The following FHIP1A variants were observed in gnomAD, a reference collection of about 807,000 sequenced individuals.
FHIP1A encodes FHF complex subunit HOOK-interacting protein 1A.
In FHIP1A, 61 loss-of-function variants were observed where a neutral mutation model predicts 88.6. The observed-to-expected ratio is 0.69, with a 90% CI of 0.56 to 0.85. The LOEUF (loss-of-function observed/expected upper bound fraction) is 0.85, where lower values mean the gene tolerates loss of function less well. FHIP1A is among the 40% of genes least tolerant of loss of function. The pLI is 0.00. For missense variants in FHIP1A, 1,154 were observed against 1,273.5 expected (o/e 0.91, Z 1.43); for synonymous variants, 478 against 496.0 (o/e 0.96, Z 0.48).
intron 3 of FHIP1A, among the ~76,000 whole-genome samples, chr4:151,498,875 C>T (rs1168303061): frequency 6.6e-6 from 1 of 152,194 alleles, no homozygotes; most frequent in African/African-American, 2.4e-5. Context: ...ATTTCATCAT[C>T]AACCTCCCTT....
At position 151,657,064 on chromosome 4, in the gene FHIP1A, C is replaced by T. The variant is rs60323168; in HGVS notation, c.2869+166C>T. Among the ~76,000 whole-genome samples, 1,179 of 152,262 alleles carry T rather than the reference C, an allele frequency of 7.7e-3. 16 individuals are homozygous for T. Among genetic ancestry groups the T allele is most frequent in the African/African-American group, 0.025 (1,029 of 41,540 alleles). ...GGAACCACCTCTTAGCATTCTTAAACCTAAAGAAAGGTCTGCCTTGCTCAC... is the reference window on the plus strand; with the variant it reads ...GGAACCACCTCTTAGCATTCTTAAATCTAAAGAAAGGTCTGCCTTGCTCAC... On this transcript the variant is annotated intron_variant, in intron 13 of 13. Coordinates refer to ENST00000435205, the MANE Select transcript of FHIP1A (RefSeq NM_001109977.3).
chr4:151,609,349 C>T (rs1004528404), intron 7 of FHIP1A, among the ~76,000 whole-genome samples: 1 of 152,030 alleles, frequency 6.6e-6, no homozygotes, highest in Non-Finnish European at 1.5e-5. Flanking sequence ...TTTTTCACTT[C>T]CCATTTTCTA....
intron 3 of FHIP1A, among the ~76,000 whole-genome samples, chr4:151,509,901 T>C (rs189095873): frequency 1.2e-4 from 18 of 152,252 alleles, no homozygotes; most frequent in African/African-American, 3.9e-4. Context: ...TCTTTCTTTG[T>C]TGGGCAGGAA....
At chr4:151,528,460 C>T (rs1731761698) in intron 3 of FHIP1A, among the ~76,000 whole-genome samples, 1 of 152,086 alleles carries the variant, frequency 6.6e-6, no homozygotes, top group Non-Finnish European at 1.5e-5. Flanking sequence ...CGAAGTGGAA[C>T]AAATTTTGGT....
intron 11 of FHIP1A, among the ~76,000 whole-genome samples, chr4:151,650,974 C>A (rs1737009137): frequency 6.6e-6 from 1 of 152,138 alleles, no homozygotes; most frequent in Non-Finnish European, 1.5e-5. Flanking sequence ...ATGACTGTCT[C>A]CCCCAGTAGA....
intron 7 of FHIP1A, among the ~76,000 whole-genome samples, chr4:151,617,454 T>C (rs1240053870): frequency 6.6e-6 from 1 of 152,184 alleles, no homozygotes; most frequent in East Asian, 1.9e-4. Flanking sequence ...ATCCTGCCTA[T>C]GAGCCTTCCT....
chr4:151,622,286 A>G (rs183450112), intron 7 of FHIP1A, among the ~76,000 whole-genome samples: 1 of 152,318 alleles, frequency 6.6e-6, no homozygotes, highest in African/African-American at 2.4e-5. Context: ...AGGGCAGGGT[A>G]AGGTACAATT....
intron 1 of FHIP1A, among the ~76,000 whole-genome samples, chr4:151,417,691 TG>T (rs1732946872): frequency 6.6e-6 from 1 of 152,200 alleles, no homozygotes; most frequent in South Asian, 2.1e-4. Context: ...CCTGTTCTTC[TG>T]CCTCAGTAGG....
intron 2 of FHIP1A, among the ~76,000 whole-genome samples, chr4:151,465,731 A>G (rs950813775): frequency 6.6e-6 from 1 of 152,216 alleles, no homozygotes; most frequent in Non-Finnish European, 1.5e-5. Context: ...ACACAAATCA[A>G]TAAAAGTAAC....
intron 5 of FHIP1A, among the ~76,000 whole-genome samples, chr4:151,583,824 A>AG (rs1262224710): frequency 1.1e-4 from 16 of 152,342 alleles, no homozygotes; most frequent in African/African-American, 3.8e-4. Context: ...ATTTATAAGA[A>AG]GCAACTCATT....
chr4:151,642,638 G>T (rs1200478165), intron 9 of FHIP1A, among the ~76,000 whole-genome samples: 2 of 152,126 alleles, frequency 1.3e-5, no homozygotes, highest in African/African-American at 4.8e-5. Flanking sequence ...CCCAGAAGAA[G>T]CACTTCACTT....
chr4:151,421,571 C>T (rs977662789), intron 1 of FHIP1A, among the ~76,000 whole-genome samples: 2 of 152,140 alleles, frequency 1.3e-5, no homozygotes, highest in Admixed American at 6.6e-5. Context: ...ATTTGGTAGT[C>T]TTGGCTATAT....
In FHIP1A at chr4:151,566,271, G is replaced by A. The variant is rs116521641; in HGVS notation, c.12G>A (p.Ser4=). 6.5e-4 allele frequency: 999 copies of A among 1,548,470 alleles called. 6 individuals carry two copies. In the African/African-American group the frequency reaches 9.7e-3, roughly 15 times the overall value. Residue 4 remains serine (S), a synonymous_variant, in exon 4 of 14, where the codon TCG becomes TCA. Transcript: ENST00000435205. MMS[S]VSTESKLQQA... ...ATTTATGAAGGCTTATGATGTCATC[G>A]GTTTCGACAGAAAGCAAACTCCAGC... is the stretch of plus-strand genomic sequence containing the variant.
chr4:151,577,058 T>C (rs1394955225), intron 4 of FHIP1A: 2 of 161,862 alleles, frequency 1.2e-5, no homozygotes, highest in Non-Finnish European at 1.3e-5. Flanking sequence ...GTCTTTGACA[T>C]AATTATTATG....
At chr4:151,449,046 G>GT (rs893884554) in intron 1 of FHIP1A, among the ~76,000 whole-genome samples, 2 of 152,026 alleles carry the variant, frequency 1.3e-5, no homozygotes, top group African/African-American at 2.4e-5. Context: ...CATTTTGTAT[G>GT]TTTTTAGTGT....
chr4:151,468,769 A>G (rs1729413387), intron 2 of FHIP1A, among the ~76,000 whole-genome samples: 1 of 152,198 alleles, frequency 6.6e-6, no homozygotes, highest in Non-Finnish European at 1.5e-5. Flanking sequence ...AATACTGCTA[A>G]GGTAACTTGG....
Position 151,656,402 on chromosome 4 carries a change from C to G in FHIP1A, c.2722C>G (p.Leu908Val). ...GGTCTTCCAGCCAAGCGTCCGCTCT[C>G]TCTATCAGGTATGTTAGCTGAACCC... ...NMVFQPSVRS[L>V]YQVLASVKNK... Residue 908 changes from leucine (L) to valine (V), a missense_variant, in exon 12 of 14, where the codon CTC becomes GTC. Coordinates refer to ENST00000435205, the MANE Select transcript of FHIP1A (RefSeq NM_001109977.3). The surrounding 1 kb of genome is among the most constrained non-coding windows in gnomAD (Gnocchi z 4.2). The G allele has an allele frequency of 6.4e-7, 1 of 1,551,644 alleles. No individual in the cohort carries two copies. Among genetic ancestry groups the G allele is most frequent in the South Asian group, 1.2e-5 (1 of 84,064 alleles).
In FHIP1A at chr4:151,608,344, C is replaced by T. The variant is rs1169592468; in HGVS notation, c.978+19418C>T. Among the ~76,000 whole-genome samples, 4 of 152,152 alleles carry T rather than the reference C, an allele frequency of 2.6e-5. No homozygotes were observed. The East Asian group carries it at 7.7e-4, about 29-fold the overall frequency. ...GCAGGCATGAGGCACCACGTCCGAC[C>T]CCTAACTTTTGATTTTCTCTTATTT... On this transcript the variant is annotated intron_variant, in intron 7 of 13. Transcript: ENST00000435205.
intron 4 of FHIP1A, among the ~76,000 whole-genome samples, chr4:151,568,473 G>A (rs1277048828): frequency 6.6e-6 from 1 of 152,128 alleles, no homozygotes; most frequent in Non-Finnish European, 1.5e-5. Context: ...AGAGGCTCTT[G>A]AGGGCCTTTC....
Sources: gnomAD v4.1 joint callset for allele counts (sites outside exome capture counted in the v4.1 genomes callset) on GRCh38, gnomAD v4.1.1 for gene constraint, Gnocchi (gnomAD v3.1) non-coding constraint, MANE v1.5 for transcripts, NCBI Gene and HGNC (gene_info 2026-07-23, HGNC 2026-07-21) for gene names.